The following LRRC7 variants were observed in gnomAD, a reference collection of about 807,000 sequenced individuals.
LRRC7 encodes the protein leucine-rich repeat-containing protein 7.
LRRC7 carries 23 observed loss-of-function variants against 175.7 expected under a neutral mutation model. The observed-to-expected ratio is 0.13, with a 90% CI of 0.09 to 0.19. The LOEUF (loss-of-function observed/expected upper bound fraction) is 0.19, where lower values mean the gene tolerates loss of function less well. LRRC7 is among the 10% of genes least tolerant of loss of function. The pLI, the probability that LRRC7 is intolerant of heterozygous loss-of-function variation, is 1.00. For missense variants in LRRC7, 1,354 were observed against 1,904.7 expected (o/e 0.71, Z 5.38); for synonymous variants, 685 against 680.9 (o/e 1.01, Z -0.09).
Position 70,137,598 on chromosome 1 carries a change from G to A in LRRC7, c.*15711G>A, listed in dbSNP as rs2102282660. On this transcript the variant is annotated 3_prime_UTR_variant, in exon 27 of 27. Transcript: ENST00000651989. ...TTAAGTACCTAATAGACCCACCAGA[G>A]TTCAGTAAGAAATGCAACTTGAACA... Among the ~76,000 whole-genome samples the A allele has an allele frequency of 6.6e-6, 1 of 152,326 alleles. No homozygotes were observed. The highest frequency in any genetic ancestry group is 6.5e-5 in the Admixed American group (1 of 15,302).
chr1:69,810,961 G>A (rs1022496269), intron 4 of LRRC7, among the ~76,000 whole-genome samples: 1 of 151,928 alleles, frequency 6.6e-6, no homozygotes, highest in Non-Finnish European at 1.5e-5. Context: ...CACAGCAAAA[G>A]AAACTATCAT....
chr1:69,980,652 C>T (rs1321699236), intron 9 of LRRC7, among the ~76,000 whole-genome samples, 199 bp downstream of exon 9: 1 of 151,662 alleles, frequency 6.6e-6, no homozygotes, highest in Non-Finnish European at 1.5e-5. Context: ...TATAGGTATA[C>T]AAAACGTAAG....
At chr1:70,006,902 A>G (rs144055853) in intron 11 of LRRC7, among the ~76,000 whole-genome samples, 77 of 152,342 alleles carry the variant, frequency 5.1e-4, no homozygotes, top group Non-Finnish European at 8.1e-4. Flanking sequence ...CCACATGAAC[A>G]GGTACAAAAG....
chr1:69,797,689 C>T (rs1297937124), intron 4 of LRRC7, among the ~76,000 whole-genome samples: 2 of 152,132 alleles, frequency 1.3e-5, no homozygotes, highest in African/African-American at 4.8e-5. Context: ...GTCTCATCTC[C>T]ATTATTGCCA....
intron 4 of LRRC7, among the ~76,000 whole-genome samples, chr1:69,793,610 T>C (rs991673903): frequency 1.3e-4 from 19 of 151,910 alleles, no homozygotes; most frequent in African/African-American, 4.3e-4. Context: ...GATATTATTA[T>C]TCAATAGAAG....
chr1:70,095,052 A>T (rs1664293406), intron 25 of LRRC7, among the ~76,000 whole-genome samples: 3 of 152,128 alleles, frequency 2.0e-5, no homozygotes, highest in African/African-American at 7.2e-5. Flanking sequence ...GACAAATACA[A>T]TTTATTGTAT....
Position 70,018,700 on chromosome 1 carries a change from G to A in LRRC7, c.1321-19G>A. On this transcript the variant is annotated intron_variant, in intron 14 of 26. Transcript: ENST00000651989. ...ATTTGCAATTGTATTCATCTAATTTGTATGTTCTTTGCTTCTAGTCCAAAG... is the reference window on the plus strand; with the variant it reads ...ATTTGCAATTGTATTCATCTAATTTATATGTTCTTTGCTTCTAGTCCAAAG... The A allele has an allele frequency of 1.3e-6, 2 of 1,559,420 alleles. No individual in the cohort carries two copies. Among genetic ancestry groups the A allele is most frequent in the Non-Finnish European group, 1.8e-6 (2 of 1,132,786 alleles).
At chr1:70,036,951 G>C (rs541530999) in intron 20 of LRRC7, among the ~76,000 whole-genome samples, 1 of 152,280 alleles carries the variant, frequency 6.6e-6, no homozygotes, top group South Asian at 2.1e-4. Flanking sequence ...ATGGCATTAT[G>C]AATTAAAATA....
In LRRC7 at chr1:70,133,468, G is replaced by T. The variant is rs375693244; in HGVS notation, c.*11581G>T. On this transcript the variant is annotated 3_prime_UTR_variant, in exon 27 of 27. Transcript: ENST00000651989. ...ACACCTGGGCTCTATCGATCCGACC[G>T]CCTCGGCCTCCCAAAGTGCTGGGAT... 1.3e-5 allele frequency among the ~76,000 whole-genome samples: 2 copies of T among 152,188 alleles called. No individual in the cohort carries two copies. Among genetic ancestry groups the T allele is most frequent in the East Asian group, 1.9e-4 (1 of 5,170 alleles).
rs1045161389 is a variant in LRRC7, at chr1:70,135,582, T to C, written c.*13695T>C. 1.1e-4 allele frequency among the ~76,000 whole-genome samples: 16 copies of C among 152,190 alleles called. No homozygotes were observed. In the East Asian group the frequency reaches 2.9e-3, roughly 27 times the overall value. ...TCCCCAACCCCGACTCCAAGGGTGC[T>C]GCTTGTCCAACTGTGTCACCTCCCT... On this transcript the variant is annotated 3_prime_UTR_variant, in exon 27 of 27. Transcript: ENST00000651989.
chr1:69,685,715 C>G (rs967606369), intron 2 of LRRC7, among the ~76,000 whole-genome samples: 6 of 151,824 alleles, frequency 4.0e-5, no homozygotes, highest in Admixed American at 6.6e-5. Flanking sequence ...ATGAACAGAA[C>G]CTCAGGGATT....
intron 1 of LRRC7, among the ~76,000 whole-genome samples, chr1:69,643,406 A>G (rs930549806): frequency 6.6e-6 from 1 of 152,148 alleles, no homozygotes; most frequent in African/African-American, 2.4e-5. Context: ...GTGTATCTGC[A>G]GAACCTGGCC....
At chr1:70,021,287 G>T (rs1007642713) in intron 16 of LRRC7, 158 bp downstream of exon 16, 13 of 654,240 alleles carry the variant, frequency 2.0e-5, no homozygotes, top group Non-Finnish European at 3.0e-5. Context: ...AAGCATTGGT[G>T]TGCTTCAGAA....
At chr1:69,648,660 C>A (rs765040106) in intron 1 of LRRC7, among the ~76,000 whole-genome samples, 1 of 152,194 alleles carries the variant, frequency 6.6e-6, no homozygotes, top group Non-Finnish European at 1.5e-5. Flanking sequence ...TGAATCAAGG[C>A]CCTGGGCTTC....
intron 13 of LRRC7, chr1:70,014,004 A>C (rs1218544950): frequency 6.6e-6 from 1 of 151,984 alleles, no homozygotes; most frequent in Non-Finnish European, 1.5e-5. Context: ...TAATATTCCC[A>C]CATAAGGGAA....
rs149091576 is a variant in LRRC7 at position 70,132,457 on chromosome 1, C to CTTTTTTTT, written c.*10589_*10596dup. On this transcript the variant is annotated 3_prime_UTR_variant, in exon 27 of 27. Transcript: ENST00000651989. ...TTTCTTTTTTCTTTTCTTTTCTTTT[C>CTTTTTTTT]TTTTTTTTTTTTTTTTTTTTTTTTT... Among the ~76,000 whole-genome samples, 22 of 76,448 alleles carry CTTTTTTTT rather than the reference C, an allele frequency of 2.9e-4. No homozygotes were observed. The highest frequency in any genetic ancestry group is 1.3e-3 in the East Asian group (3 of 2,308). 50.2% of individuals were successfully genotyped at this position (76,448 alleles called of 152,430 possible). A position where few individuals can be genotyped will look rare whatever the true frequency, so the allele number is the denominator to read the frequency against.
chr1:69,670,720 A>G (rs1420173999), intron 1 of LRRC7, among the ~76,000 whole-genome samples: 1 of 152,154 alleles, frequency 6.6e-6, no homozygotes, highest in Non-Finnish European at 1.5e-5. Flanking sequence ...CAGTCAAACC[A>G]TGAGACACAG....
At chr1:69,628,957 C>G (rs1018246763) in intron 1 of LRRC7, among the ~76,000 whole-genome samples, 1 of 151,990 alleles carries the variant, frequency 6.6e-6, no homozygotes, top group East Asian at 1.9e-4. Flanking sequence ...ACACCCTTCA[C>G]AAAAAATAGC....
chr1:70,080,177 C>A (rs1463916141), intron 24 of LRRC7, among the ~76,000 whole-genome samples: 2 of 152,124 alleles, frequency 1.3e-5, no homozygotes, highest in African/African-American at 4.8e-5. Context: ...CTTGCAATTG[C>A]TTTGAAAAGA....
Sources: gnomAD v4.1 joint callset for allele counts (sites outside exome capture counted in the v4.1 genomes callset) on GRCh38, gnomAD v4.1.1 for gene constraint, MANE v1.5 for transcripts, NCBI Gene and HGNC (gene_info 2026-07-23, HGNC 2026-07-21) for gene names.